Variants in TBC1D22A observed in about 807,000 individuals in gnomAD.
TBC1D22A encodes TBC1 domain family member 22A.
TBC1D22A carries 38 observed loss-of-function variants against 60.2 expected under a neutral mutation model. The observed-to-expected ratio is 0.63, with a 90% CI of 0.49 to 0.83. TBC1D22A has a LOEUF of 0.83. Ranked by LOEUF, TBC1D22A falls within the 40% of genes least tolerant of loss-of-function variation. The pLI is 0.00. For synonymous variants in TBC1D22A, 302 were observed against 281.7 expected (o/e 1.07, Z -0.72); for missense variants, 628 against 701.0 (o/e 0.90, Z 1.18).
intron 10 of TBC1D22A, among the ~76,000 whole-genome samples, chr22:47,005,289 C>T (rs767775341): frequency 4.6e-5 from 7 of 151,406 alleles, no homozygotes; most frequent in Non-Finnish European, 1.0e-4. Flanking sequence ...TACACATATA[C>T]ACTCACTCCT....
intron 4 of TBC1D22A, among the ~76,000 whole-genome samples, chr22:46,858,704 T>A (rs532654906): frequency 6.6e-6 from 1 of 152,142 alleles, no homozygotes; most frequent in Non-Finnish European, 1.5e-5. Context: ...CGAGCGCTTC[T>A]TGGGAGAGGC....
chr22:47,139,206 G>A (rs563473791), intron 12 of TBC1D22A, among the ~76,000 whole-genome samples: 2 of 152,280 alleles, frequency 1.3e-5, no homozygotes, highest in East Asian at 1.9e-4. Context: ...CTCCTGCAGC[G>A]ACCAGTCAGG....
chr22:46,763,428 T>TC (rs1569345548), intron 1 of TBC1D22A: 6 of 92,282 alleles, frequency 6.5e-5, no homozygotes, highest in East Asian at 2.9e-4. Context: ...TTTTTTTTTT[T>TC]CTTCGGCTGG....
rs16996333 is a variant in TBC1D22A, at chr22:47,089,962, G to A, written c.1330-21546G>A. Among the ~76,000 whole-genome samples the A allele has an allele frequency of 6.1e-3, 930 of 152,312 alleles. 8 individuals are homozygous for A. Among genetic ancestry groups the A allele is most frequent in the African/African-American group, 0.021 (862 of 41,560 alleles). On this transcript the variant is annotated intron_variant, in intron 11 of 12. Coordinates refer to ENST00000337137, the MANE Select transcript of TBC1D22A (RefSeq NM_014346.5). ...GATAAGCAGAGGTCAGAACAGCCCA[G>A]TGTGAAGCCTCCGGGGATGTGAACA...
rs114054319 is a variant in TBC1D22A, at chr22:47,014,432, C to T, written c.1201+16723C>T. 9.7e-3 allele frequency among the ~76,000 whole-genome samples: 1,481 copies of T among 152,286 alleles called. 30 individuals are homozygous for T. Among genetic ancestry groups the T allele is most frequent in the African/African-American group, 0.033 (1,372 of 41,558 alleles). The stretch of plus-strand genomic sequence containing the variant: ...CTAGACCCAGGGCCCCATCAGTCCC[C>T]GCTGGACATGCCGTGAGTGTGCTTT... On this transcript the variant is annotated intron_variant, in intron 10 of 12. Coordinates refer to ENST00000337137, the MANE Select transcript of TBC1D22A (RefSeq NM_014346.5).
intron 8 of TBC1D22A, among the ~76,000 whole-genome samples, chr22:46,929,351 T>C (rs1443396180): frequency 1.3e-5 from 2 of 152,202 alleles, no homozygotes; most frequent in African/African-American, 4.8e-5. Flanking sequence ...TTTGCTAGGT[T>C]GTTTTCCAGA....
chr22:46,987,028 CT>C (rs1276129230), intron 9 of TBC1D22A, among the ~76,000 whole-genome samples: 1 of 152,200 alleles, frequency 6.6e-6, no homozygotes, highest in Non-Finnish European at 1.5e-5. Context: ...GCTGATTGTC[CT>C]CGTGGCATGG....
intron 7 of TBC1D22A, among the ~76,000 whole-genome samples, chr22:46,908,588 A>G (rs568412052): frequency 6.6e-6 from 1 of 152,334 alleles, no homozygotes; most frequent in South Asian, 2.1e-4. Flanking sequence ...TCAGTAAGAA[A>G]TTGGAATTCT....
intron 8 of TBC1D22A, among the ~76,000 whole-genome samples, chr22:46,960,004 G>T (rs552776603): frequency 6.6e-6 from 1 of 152,258 alleles, no homozygotes; most frequent in Admixed American, 6.5e-5. Context: ...TCAGCTAAGA[G>T]CCCTGGTTCC....
chr22:46,895,670 C>A (rs1016346032), intron 7 of TBC1D22A, among the ~76,000 whole-genome samples: 4 of 152,190 alleles, frequency 2.6e-5, no homozygotes, highest in African/African-American at 4.8e-5. Context: ...CGGCGCCCGG[C>A]GTCTCTCATT....
chr22:47,004,173 C>T (rs1401743690), intron 10 of TBC1D22A, among the ~76,000 whole-genome samples: 2 of 150,554 alleles, frequency 1.3e-5, no homozygotes, highest in Non-Finnish European at 3.0e-5. Context: ...CACACCCCTG[C>T]ACACATGCCT....
intron 9 of TBC1D22A, among the ~76,000 whole-genome samples, chr22:46,977,982 C>T (rs566437326): frequency 1.5e-3 from 222 of 152,328 alleles, no homozygotes; most frequent in African/African-American, 5.1e-3. Context: ...GCGGTATTGA[C>T]CAAAGATTGT....
intron 4 of TBC1D22A, among the ~76,000 whole-genome samples, chr22:46,814,866 C>G (rs2085527821): frequency 6.6e-6 from 1 of 150,672 alleles, no homozygotes; most frequent in Non-Finnish European, 1.5e-5. Context: ...GTTGGTCATG[C>G]TGGTCTCGAA....
intron 7 of TBC1D22A, among the ~76,000 whole-genome samples, chr22:46,896,537 G>A (rs1393254085): frequency 6.6e-6 from 1 of 152,150 alleles, no homozygotes; most frequent in Admixed American, 6.5e-5. Flanking sequence ...GCAGGAGTCT[G>A]TTTAATTTCC....
chr22:46,945,806 G>A (rs1218771874), intron 8 of TBC1D22A, among the ~76,000 whole-genome samples: 1 of 152,166 alleles, frequency 6.6e-6, no homozygotes, highest in Non-Finnish European at 1.5e-5. Context: ...GTAGAGGCGG[G>A]TCGAGGCACA....
intron 10 of TBC1D22A, among the ~76,000 whole-genome samples, chr22:47,029,141 C>T (rs562314015): frequency 1.4e-5 from 2 of 139,726 alleles, no homozygotes; most frequent in East Asian, 2.1e-4. Context: ...AATCATGGGA[C>T]GAAATCTGCA....
At chr22:46,986,606 G>T (rs2148188491) in intron 9 of TBC1D22A, among the ~76,000 whole-genome samples, 1 of 152,218 alleles carries the variant, frequency 6.6e-6, no homozygotes, top group Middle Eastern at 3.4e-3. Flanking sequence ...TGTCAAATTT[G>T]TTTCTGAATA....
chr22:46,788,127 G>A (rs1454894478), intron 1 of TBC1D22A, among the ~76,000 whole-genome samples: 1 of 150,640 alleles, frequency 6.6e-6, no homozygotes, highest in African/African-American at 2.4e-5. Context: ...TAGTAGAGAC[G>A]GGGTTTCACT....
At chr22:46,894,017 G>C (rs757807166) in intron 6 of TBC1D22A, among the ~76,000 whole-genome samples, 1 of 152,252 alleles carries the variant, frequency 6.6e-6, no homozygotes, top group South Asian at 2.1e-4. Flanking sequence ...CTGTGGAGAT[G>C]TGCAAGGATG....
Sources: gnomAD v4.1 joint callset for allele counts (sites outside exome capture counted in the v4.1 genomes callset) on GRCh38, gnomAD v4.1.1 for gene constraint, MANE v1.5 for transcripts, NCBI Gene and HGNC (gene_info 2026-07-23, HGNC 2026-07-21) for gene names.